SS18: variants seen among roughly 807,000 people sequenced by gnomAD.
SS18 encodes protein SSXT.
SS18 carries 28 observed loss-of-function variants against 72.5 expected under a neutral mutation model. That is an observed-to-expected ratio of 0.39 (90% confidence interval 0.29 to 0.53). SS18 has a LOEUF of 0.53. Among genes scored for constraint, SS18 ranks in the 20% least tolerant of loss-of-function variants. The pLI is 0.76. For missense variants in SS18, 518 were observed against 535.3 expected, an observed-to-expected ratio of 0.97 and a Z score of 0.32; for synonymous variants, 172 against 164.2, an observed-to-expected ratio of 1.05 and a Z score of -0.37.
rs138706054 is a variant in SS18 at position 26,028,225 on chromosome 18, T to C, written c.1230+4174A>G. On this transcript the variant is annotated intron_variant, in intron 10 of 10. Coordinates refer to ENST00000415083, the MANE Select transcript of SS18 (RefSeq NM_001007559.3). The stretch of plus-strand genomic sequence containing the variant: ...GGTCAACATCATTTGTCCTTAGGGA[T>C]ACTCAAATTAAAGTCATGAAGTGTT... 4.9e-3 allele frequency among the ~76,000 whole-genome samples: 744 copies of C among 152,208 alleles called. 9 individuals carry two copies. Among genetic ancestry groups the C allele is most frequent in the African/African-American group, 0.017 (700 of 41,562 alleles).
At chr18:26,080,041 T>C (rs773782524) in intron 2 of SS18, among the ~76,000 whole-genome samples, 16 of 152,304 alleles carry the variant, frequency 1.1e-4, no homozygotes, top group South Asian at 6.2e-4. Context: ...TTGCGTCACA[T>C]GGACACTATG....
intron 4 of SS18, among the ~76,000 whole-genome samples, chr18:26,055,667 T>G (rs537539927): frequency 6.6e-6 from 1 of 151,312 alleles, no homozygotes; most frequent in Non-Finnish European, 1.5e-5. Flanking sequence ...AAGGAACAAA[T>G]AAAGAAAATA....
At chr18:26,063,545 A>T (rs1006072070) in intron 3 of SS18, among the ~76,000 whole-genome samples, 3 of 152,116 alleles carry the variant, frequency 2.0e-5, no homozygotes, top group African/African-American at 7.2e-5. Flanking sequence ...AATAATAAGA[A>T]ATCAGTAACA....
At chr18:26,020,955 A>G (rs1354409172) in intron 10 of SS18, among the ~76,000 whole-genome samples, 3 of 152,196 alleles carry the variant, frequency 2.0e-5, no homozygotes, top group East Asian at 3.8e-4. Flanking sequence ...CCTGATAATA[A>G]TACCTCAGTT....
intron 2 of SS18, among the ~76,000 whole-genome samples, chr18:26,083,293 T>C (rs2054561151): frequency 6.6e-6 from 1 of 152,190 alleles, no homozygotes; most frequent in South Asian, 2.1e-4. Context: ...AAAATTTTGC[T>C]GACTCAGTTG....
chr18:26,023,611 A>C (rs1317423370), intron 10 of SS18: 2 of 531,600 alleles, frequency 3.8e-6, no homozygotes, highest in Non-Finnish European at 7.3e-6. Flanking sequence ...AGAAAACAAA[A>C]ACAAACTGTC....
At chr18:26,071,644 G>T (rs552175334) in intron 3 of SS18, among the ~76,000 whole-genome samples, 4 of 152,116 alleles carry the variant, frequency 2.6e-5, no homozygotes, top group African/African-American at 9.6e-5. Context: ...TAGCCCGGGC[G>T]ATATAAGACC....
At chr18:26,021,879 C>A (rs1477630941) in intron 10 of SS18, among the ~76,000 whole-genome samples, 4 of 152,138 alleles carry the variant, frequency 2.6e-5, no homozygotes, top group African/African-American at 4.8e-5. Context: ...TATGATACAT[C>A]TAAGCAGAGC....
chr18:26,064,458 T>C (rs943215759), intron 3 of SS18, among the ~76,000 whole-genome samples: 12 of 152,168 alleles, frequency 7.9e-5, no homozygotes, highest in African/African-American at 2.7e-4. Flanking sequence ...TACAGGAATG[T>C]AAGTTGATTT....
chr18:26,047,210 T>C lies in SS18; in HGVS notation c.607+5414A>G, dbSNP rs148184829. Among the ~76,000 whole-genome samples the C allele has an allele frequency of 2.9e-3, 368 of 126,996 alleles. 2 individuals carry two copies. The highest frequency in any genetic ancestry group is 0.01 in the African/African-American group (338 of 32,852). The allele number at this position is 126,996 out of a possible 152,430, so 83.3% of individuals were successfully genotyped here. Reference sequence around the variant, plus strand: ...TTTTGTTTCTGTTAGCGCCTGGCACTAACAGGTACTTACTGAATATTAGCT... The same window carrying C: ...TTTTGTTTCTGTTAGCGCCTGGCACCAACAGGTACTTACTGAATATTAGCT... On this transcript the variant is annotated intron_variant, in intron 5 of 10. Transcript: ENST00000415083.
At chr18:26,030,962 AG>A (rs2053533589) in intron 10 of SS18, among the ~76,000 whole-genome samples, 1 of 152,232 alleles carries the variant, frequency 6.6e-6, no homozygotes, top group Non-Finnish European at 1.5e-5. Flanking sequence ...CAATAGCTAA[AG>A]TGAGGTCAAG....
chr18:26,077,720 CCTGT>C (rs1291155644), intron 3 of SS18, among the ~76,000 whole-genome samples: 2 of 152,062 alleles, frequency 1.3e-5, no homozygotes, highest in African/African-American at 2.4e-5. Flanking sequence ...TGAGAATAGT[CCTGT>C]CTGACAGAGA....
intron 4 of SS18, among the ~76,000 whole-genome samples, chr18:26,055,045 T>C (rs1247859557): frequency 1.3e-5 from 2 of 151,860 alleles, no homozygotes; most frequent in Non-Finnish European, 2.9e-5. Flanking sequence ...AGCGAGAGAA[T>C]ATCTCTTGAA....
At chr18:26,065,581 T>G (rs961147066) in intron 3 of SS18, among the ~76,000 whole-genome samples, 1 of 151,794 alleles carries the variant, frequency 6.6e-6, no homozygotes, top group Admixed American at 6.6e-5. Context: ...TACATGTATC[T>G]TCATATTATC....
intron 3 of SS18, among the ~76,000 whole-genome samples, chr18:26,071,647 A>T (rs190030899): frequency 6.6e-6 from 1 of 152,136 alleles, no homozygotes; most frequent in Non-Finnish European, 1.5e-5. Flanking sequence ...CCCGGGCGAT[A>T]TAAGACCCCA....
chr18:26,022,525 A>G (rs1368972767), intron 10 of SS18, among the ~76,000 whole-genome samples: 4 of 152,192 alleles, frequency 2.6e-5, no homozygotes, highest in Non-Finnish European at 5.9e-5. Context: ...TCCCTGAGAC[A>G]TGGTAAACAA....
intron 3 of SS18, among the ~76,000 whole-genome samples, chr18:26,062,479 T>A (rs1318337672): frequency 6.6e-6 from 1 of 152,082 alleles, no homozygotes; most frequent in Admixed American, 6.5e-5. Context: ...TAGAAAAAAT[T>A]ATGCTTGATT....
In SS18 at chr18:26,017,781, T is replaced by G. The variant is rs1299131251; in HGVS notation, c.*573A>C. 1 of 224,470 alleles carries G rather than the reference T, an allele frequency of 4.5e-6. No individual in the cohort carries two copies. The highest frequency in any genetic ancestry group is 2.2e-5 in the African/African-American group (1 of 44,898). 13.9% of individuals were successfully genotyped at this position (224,470 alleles called of 1,614,324 possible). On this transcript the variant is annotated 3_prime_UTR_variant, in exon 11 of 11. Coordinates refer to ENST00000415083, the MANE Select transcript of SS18 (RefSeq NM_001007559.3). ...AACAGTGGACATATGGTGTGCTTTG[T>G]CTTCCCCTCACCTTTATCTTTATAG...
Position 26,016,543 on chromosome 18 carries a change from C to T in SS18, c.*1811G>A, listed in dbSNP as rs756687181. The T allele has an allele frequency of 1.7e-5, 3 of 180,202 alleles. No homozygotes were observed. Among genetic ancestry groups the T allele is most frequent in the Non-Finnish European group, 3.6e-5 (3 of 84,392 alleles). The allele number at this position is 180,202 out of a possible 1,614,324, so 11.2% of individuals were successfully genotyped here. On this transcript the variant is annotated 3_prime_UTR_variant, in exon 11 of 11. Transcript: ENST00000415083. ...TTCGAGACCAGCCTGGCCAACATGG[C>T]GAAACCTCGTCTCTACTAAAAGTAC...
Sources: gnomAD v4.1 joint callset for allele counts (sites outside exome capture counted in the v4.1 genomes callset) on GRCh38, gnomAD v4.1.1 for gene constraint, MANE v1.5 for transcripts, NCBI Gene and HGNC (gene_info 2026-07-23, HGNC 2026-07-21) for gene names.